EPDR1: variants seen among roughly 807,000 people sequenced by gnomAD.
EPDR1 encodes the protein ependymin related 1.
A neutral mutation model predicts 23.7 loss-of-function variants in EPDR1; 27 were observed. The ratio of observed to expected loss-of-function variants is 1.14; its 90% CI spans 0.84 to 1.57. The LOEUF (loss-of-function observed/expected upper bound fraction) is 1.57, where lower values mean the gene tolerates loss of function less well. EPDR1 is among the 40% of genes most tolerant of loss of function. EPDR1 has a pLI of 0.00. For synonymous variants in EPDR1, 137 were observed against 118.2 expected (o/e 1.16, Z -1.03); for missense variants, 349 against 290.4 (o/e 1.20, Z -1.47).
chr7:37,942,458 T>C (rs1236860816), intron 1 of EPDR1, among the ~76,000 whole-genome samples: 2 of 152,190 alleles, frequency 1.3e-5, no homozygotes, highest in East Asian at 1.9e-4. Flanking sequence ...TGGGTTATTA[T>C]TGTTTAATGG....
rs1554372865 is a variant in EPDR1 at position 37,922,671 on chromosome 7, G to GGC, written c.269+1464_269+1465insCG. Among the ~76,000 whole-genome samples the GGC allele has an allele frequency of 8.6e-5, 13 of 151,428 alleles. 1 individual carries two copies. The highest frequency in any genetic ancestry group is 8.5e-4 in the Admixed American group (13 of 15,230). On this transcript the variant is annotated intron_variant, in intron 1 of 2. Transcript: ENST00000199448. Reference sequence around the variant, plus strand: ...AGCTAATGCTTGAGGAAGCTAGGGGGGGGTTCTGACGCCTATGGTATACCA... The same window carrying GGC: ...AGCTAATGCTTGAGGAAGCTAGGGGGGCGGGTTCTGACGCCTATGGTATACCA...
intron 1 of EPDR1, among the ~76,000 whole-genome samples, chr7:37,947,546 C>T (rs1786302081): frequency 6.6e-6 from 1 of 152,148 alleles, no homozygotes; most frequent in African/African-American, 2.4e-5. Context: ...AAATGTCTTC[C>T]CTGAAGTCTC....
chr7:37,931,280 G>T (rs1226005598), intron 1 of EPDR1, among the ~76,000 whole-genome samples: 1 of 152,122 alleles, frequency 6.6e-6, no homozygotes, highest in Non-Finnish European at 1.5e-5. Context: ...TTGGGAGGCC[G>T]AGGCGGGTGG....
intron 1 of EPDR1, among the ~76,000 whole-genome samples, chr7:37,945,337 T>A (rs1207881379): frequency 6.6e-6 from 1 of 152,222 alleles, no homozygotes; most frequent in East Asian, 1.9e-4. Context: ...CTATATTCAT[T>A]CTCATTTCTA....
intron 1 of EPDR1, among the ~76,000 whole-genome samples, chr7:37,933,189 C>T (rs1352667476): frequency 6.6e-6 from 1 of 152,206 alleles, no homozygotes; most frequent in Non-Finnish European, 1.5e-5. Flanking sequence ...GGCCGCGGCT[C>T]AATTCTTCCT....
chr7:37,936,023 T>TATATATACACAC (rs1786042344), intron 1 of EPDR1, among the ~76,000 whole-genome samples: 3 of 99,626 alleles, frequency 3.0e-5, no homozygotes, highest in Non-Finnish European at 4.3e-5. Context: ...TATATATATA[T>TATATATACACAC]ATATATATAT....
At chr7:37,946,964 G>C (rs1196867630) in intron 1 of EPDR1, among the ~76,000 whole-genome samples, 1 of 152,088 alleles carries the variant, frequency 6.6e-6, no homozygotes, top group East Asian at 1.9e-4. Flanking sequence ...GTTACAGGAA[G>C]CTAAAATTAA....
intron 1 of EPDR1, among the ~76,000 whole-genome samples, chr7:37,948,048 C>G (rs1441018351): frequency 6.6e-6 from 1 of 152,228 alleles, no homozygotes; most frequent in East Asian, 1.9e-4. Context: ...GCCCCTTACT[C>G]ATGACTGCTC....
chr7:37,951,744 C>T lies in EPDR1; in HGVS notation c.*1348C>T, dbSNP rs1417700402. The T allele has an allele frequency of 6.6e-6, 1 of 152,082 alleles. No homozygotes were observed. The highest frequency in any genetic ancestry group is 2.4e-5 in the African/African-American group (1 of 41,386). 9.4% of individuals were successfully genotyped at this position (152,082 alleles called of 1,614,324 possible). A position where few individuals can be genotyped will look rare whatever the true frequency, so the allele number is the denominator to read the frequency against. ...TCTGCCCATTTATCTTTCTTAGTTA[C>T]CAGGAGAAATGTGTGACACCTATAT... On this transcript the variant is annotated 3_prime_UTR_variant, in exon 3 of 3. Transcript: ENST00000199448.
At chr7:37,944,287 G>A (rs745807853) in intron 1 of EPDR1, among the ~76,000 whole-genome samples, 6 of 152,116 alleles carry the variant, frequency 3.9e-5, no homozygotes, top group Non-Finnish European at 7.4e-5. Flanking sequence ...CCTCAGCTTC[G>A]AAATTTACAT....
chr7:37,946,611 C>A (rs1786281997), intron 1 of EPDR1, among the ~76,000 whole-genome samples: 4 of 152,194 alleles, frequency 2.6e-5, no homozygotes, highest in Admixed American at 2.6e-4. Flanking sequence ...TCAGGCAGGT[C>A]CTTCAGGAGG....
At chr7:37,937,229 A>G (rs543079028) in intron 1 of EPDR1, among the ~76,000 whole-genome samples, 1 of 152,342 alleles carries the variant, frequency 6.6e-6, no homozygotes, top group East Asian at 1.9e-4. Flanking sequence ...CTCACACCGT[A>G]CATAAAAATA....
intron 1 of EPDR1, 77 bp from the exon 2 acceptor site, chr7:37,948,763 A>G: frequency 9.3e-7 from 1 of 1,079,288 alleles, no homozygotes. Flanking sequence ...AATATCTATC[A>G]AAGGTGTTTG....
intron 1 of EPDR1, among the ~76,000 whole-genome samples, chr7:37,925,804 T>G (rs931884959): frequency 1.3e-5 from 2 of 152,256 alleles, no homozygotes; most frequent in Non-Finnish European, 2.9e-5. Flanking sequence ...TTAAATGATA[T>G]CCTGAAGGCA....
chr7:37,928,447 C>T (rs1562857592), intron 1 of EPDR1, among the ~76,000 whole-genome samples: 1 of 151,966 alleles, frequency 6.6e-6, no homozygotes, highest in African/African-American at 2.4e-5. Context: ...TCTCATTCTC[C>T]TCTTCTATTT....
chr7:37,924,369 TAG>T (rs1562856235), intron 1 of EPDR1, among the ~76,000 whole-genome samples: 1 of 152,198 alleles, frequency 6.6e-6, no homozygotes, highest in South Asian at 2.1e-4. Flanking sequence ...ATTTTCACAA[TAG>T]AGATGACTTG....
At chr7:37,930,901 G>A (rs987697745) in intron 1 of EPDR1, among the ~76,000 whole-genome samples, 1 of 152,182 alleles carries the variant, frequency 6.6e-6, no homozygotes, top group Non-Finnish European at 1.5e-5. Flanking sequence ...GTGTGTGTTT[G>A]CATAAGTTTA....
intron 1 of EPDR1, chr7:37,921,459 A>T: frequency 7.2e-7 from 1 of 1,380,166 alleles, no homozygotes; most frequent in Non-Finnish European, 9.3e-7. Context: ...CAGGTAAAGA[A>T]GGGACCCATC....
chr7:37,937,230 C>T lies in EPDR1; in HGVS notation c.270-11610C>T, dbSNP rs563520411. ...AACTGAATCCACATCTCACACCGTA[C>T]ATAAAAATAAACTGCAAACCAAACT... On this transcript the variant is annotated intron_variant, in intron 1 of 2. Coordinates refer to ENST00000199448, the MANE Select transcript of EPDR1 (RefSeq NM_017549.5). 3.3e-5 allele frequency among the ~76,000 whole-genome samples: 5 copies of T among 152,226 alleles called. No homozygotes were observed. In the South Asian group the frequency reaches 1.0e-3, roughly 32 times the overall value.
Sources: allele counts gnomAD v4.1 joint callset (sites outside exome capture counted in the v4.1 genomes callset), GRCh38; gene constraint gnomAD v4.1.1; transcripts MANE v1.5; gene names NCBI Gene and HGNC (gene_info 2026-07-23, HGNC 2026-07-21).